Variants in ATP9A observed in about 807,000 individuals in gnomAD.
The protein encoded by ATP9A is ATPase phospholipid transporting 9A, also known as probable phospholipid-transporting ATPase IIA.
ATP9A carries 52 observed loss-of-function variants against 144.1 expected under a neutral mutation model. The observed-to-expected ratio is 0.36, with a 90% CI of 0.29 to 0.45. The LOEUF is 0.45. Among genes scored for constraint, ATP9A ranks in the 20% least tolerant of loss-of-function variants. ATP9A has a pLI of 1.00. For synonymous variants in ATP9A, 582 were observed against 557.4 expected, an observed-to-expected ratio of 1.04 and a Z score of -0.62; for missense variants, 947 against 1,392.7, an observed-to-expected ratio of 0.68 and a Z score of 5.09.
chr20:51,646,607 T>G (rs1281798135), intron 14 of ATP9A, among the ~76,000 whole-genome samples: 3 of 151,938 alleles, frequency 2.0e-5, no homozygotes, highest in Non-Finnish European at 4.4e-5. Context: ...CATGTGGGGG[T>G]CAGAAGAAAA....
intron 3 of ATP9A, among the ~76,000 whole-genome samples, chr20:51,721,150 G>A (rs1271022660): frequency 1.3e-5 from 2 of 152,176 alleles, no homozygotes; most frequent in African/African-American, 4.8e-5. Context: ...TGGCACGTAC[G>A]GCGTATGCAC....
At chr20:51,631,691 T>C (rs2077270661) in intron 15 of ATP9A, among the ~76,000 whole-genome samples, 1 of 152,212 alleles carries the variant, frequency 6.6e-6, no homozygotes, top group Admixed American at 6.5e-5. Flanking sequence ...GGTCTGCATC[T>C]GGCACCTGCT....
At chr20:51,746,364 C>A (rs900368841) in intron 1 of ATP9A, among the ~76,000 whole-genome samples, 2 of 152,194 alleles carry the variant, frequency 1.3e-5, no homozygotes, top group East Asian at 1.9e-4. Flanking sequence ...GAAATAGCCA[C>A]GTGGTACCAT....
At chr20:51,637,614 T>C (rs1230113819) in intron 15 of ATP9A, among the ~76,000 whole-genome samples, 1 of 151,772 alleles carries the variant, frequency 6.6e-6, no homozygotes, top group Non-Finnish European at 1.5e-5. Context: ...AAGCCTTAGC[T>C]GAAAATTCTC....
intron 15 of ATP9A, among the ~76,000 whole-genome samples, chr20:51,635,727 A>T (rs2077287923): frequency 6.7e-6 from 1 of 150,130 alleles, no homozygotes. Flanking sequence ...ACAGAGCAAG[A>T]TGGACGGAAG....
At chr20:51,690,609 G>C (rs577696881) in intron 8 of ATP9A, 130 bp downstream of exon 8, 4 of 758,462 alleles carry the variant, frequency 5.3e-6, no homozygotes, top group Non-Finnish European at 9.2e-6. Flanking sequence ...CTTTCAAGGC[G>C]GTGCCTTCTT....
intron 3 of ATP9A, among the ~76,000 whole-genome samples, chr20:51,713,460 C>T (rs1473797841): frequency 6.6e-6 from 1 of 152,158 alleles, no homozygotes; most frequent in Non-Finnish European, 1.5e-5. Flanking sequence ...ATTGGAAGTG[C>T]ACTTCATCCT....
At chr20:51,673,972 C>T (rs2077466770) in intron 11 of ATP9A, among the ~76,000 whole-genome samples, 181 bp downstream of exon 11, 1 of 151,698 alleles carries the variant, frequency 6.6e-6, no homozygotes, top group African/African-American at 2.4e-5. Context: ...ATCACTTGAA[C>T]CTGGGAGGTG....
chr20:51,681,173 C>T (rs1407083076), intron 9 of ATP9A, among the ~76,000 whole-genome samples: 1 of 152,166 alleles, frequency 6.6e-6, no homozygotes, highest in Non-Finnish European at 1.5e-5. Context: ...CATTAAATGT[C>T]CTCATGTAAT....
intron 11 of ATP9A, 60 bp from the exon 12 acceptor site, chr20:51,671,317 T>C (rs2077455115): frequency 6.4e-6 from 10 of 1,569,974 alleles, no homozygotes; most frequent in Non-Finnish European, 8.7e-6. Context: ...CTTGTATCTT[T>C]ATAAAAACAT....
At chr20:51,745,583 G>C (rs796452101) in intron 1 of ATP9A, among the ~76,000 whole-genome samples, 17 of 152,266 alleles carry the variant, frequency 1.1e-4, no homozygotes, top group African/African-American at 4.1e-4. Context: ...GGCACTACTG[G>C]CACGTAGTGG....
intron 14 of ATP9A, among the ~76,000 whole-genome samples, chr20:51,650,931 GA>G (rs2077361518): frequency 7.0e-6 from 1 of 143,726 alleles, no homozygotes; most frequent in African/African-American, 2.5e-5. Flanking sequence ...ACGTATACCT[GA>G]ACACAAGCGT....
intron 26 of ATP9A, among the ~76,000 whole-genome samples, chr20:51,606,398 C>T (rs949060177): frequency 2.6e-5 from 4 of 151,900 alleles, no homozygotes; most frequent in African/African-American, 9.6e-5. Context: ...AATGGAAATA[C>T]TAAAAAAGAG....
At chr20:51,731,398 T>C (rs899502006) in intron 1 of ATP9A, among the ~76,000 whole-genome samples, 4 of 151,764 alleles carry the variant, frequency 2.6e-5, no homozygotes, top group Non-Finnish European at 4.4e-5. Context: ...GTAAGTACTA[T>C]TATTACATCT....
intron 1 of ATP9A, among the ~76,000 whole-genome samples, chr20:51,747,451 G>C (rs1008949542): frequency 2.0e-5 from 3 of 152,110 alleles, no homozygotes; most frequent in Non-Finnish European, 2.9e-5. Context: ...TGTACCAATT[G>C]CAAGAAGGAA....
intron 3 of ATP9A, among the ~76,000 whole-genome samples, chr20:51,716,580 G>C (rs1013840065): frequency 6.6e-6 from 1 of 151,950 alleles, no homozygotes; most frequent in African/African-American, 2.4e-5. Context: ...CTGAGCCCAG[G>C]AGGCAGAGAT....
chr20:51,741,296 A>G (rs1345272387), intron 1 of ATP9A, among the ~76,000 whole-genome samples: 1 of 152,162 alleles, frequency 6.6e-6, no homozygotes, highest in Non-Finnish European at 1.5e-5. Flanking sequence ...AGTGGAGCTC[A>G]CAGGCCAGGC....
At chr20:51,758,857 G>A (rs181184695) in intron 1 of ATP9A, among the ~76,000 whole-genome samples, 150 of 152,062 alleles carry the variant, frequency 9.9e-4, no homozygotes, top group African/African-American at 3.4e-3. Context: ...CTCGGGAGGC[G>A]GAGGTTCCAG....
Position 51,729,761 on chromosome 20 carries a change from G to A in ATP9A, c.213+73C>T, listed in dbSNP as rs1316040145. 3 of 1,411,100 alleles carry A rather than the reference G, an allele frequency of 2.1e-6. No homozygotes were observed. The East Asian group carries it at 7.9e-5, about 37-fold the overall frequency. 87.4% of individuals were successfully genotyped at this position (1,411,100 alleles called of 1,614,324 possible). The stretch of plus-strand genomic sequence containing the variant: ...CTCTGTCTAAAAAATAACATGACAT[G>A]ACATAACATCTGTACCAATGCATGT... On this transcript the variant is annotated intron_variant, in intron 2 of 27. Coordinates refer to ENST00000338821, the MANE Select transcript of ATP9A (RefSeq NM_006045.3).
Sources: allele counts gnomAD v4.1 joint callset (sites outside exome capture counted in the v4.1 genomes callset), GRCh38; gene constraint gnomAD v4.1.1; transcripts MANE v1.5; gene names NCBI Gene and HGNC (gene_info 2026-07-23, HGNC 2026-07-21).